LUZP2: variants seen among roughly 807,000 people sequenced by gnomAD.
The protein encoded by LUZP2 is leucine zipper protein 2.
Under a neutral mutation model 51.6 loss-of-function variants are expected in LUZP2, and 52 were observed. The ratio of observed to expected loss-of-function variants is 1.01; its 90% confidence interval spans 0.81 to 1.27. The LOEUF (loss-of-function observed/expected upper bound fraction) is 1.27. Ranked by LOEUF, LUZP2 falls within the 50% of genes most tolerant of loss-of-function variation. The pLI is 0.00. For synonymous variants in LUZP2, 154 were observed against 137.3 expected, an observed-to-expected ratio of 1.12 and a Z score of -0.85; for missense variants, 436 against 395.4, an observed-to-expected ratio of 1.10 and a Z score of -0.87.
intron 7 of LUZP2, among the ~76,000 whole-genome samples, chr11:24,917,657 T>C (rs1412935741): frequency 6.6e-6 from 1 of 152,076 alleles, no homozygotes; most frequent in African/African-American, 2.4e-5. Context: ...ATGTGTGGTA[T>C]TATTTCTGAG....
intron 1 of LUZP2, among the ~76,000 whole-genome samples, chr11:24,503,497 A>C (rs897783316): frequency 3.9e-5 from 6 of 152,230 alleles, no homozygotes; most frequent in African/African-American, 1.4e-4. Flanking sequence ...CGTAAACCCT[A>C]GGAGACATAA....
chr11:24,973,153 T>C (rs1855794577), intron 7 of LUZP2, among the ~76,000 whole-genome samples: 1 of 151,110 alleles, frequency 6.6e-6, no homozygotes, highest in South Asian at 2.1e-4. Context: ...TTCAGTTTCT[T>C]CCTGGTTCAG....
chr11:24,856,106 G>A (rs1851556717), intron 5 of LUZP2, among the ~76,000 whole-genome samples: 1 of 151,834 alleles, frequency 6.6e-6, no homozygotes, highest in African/African-American at 2.4e-5. Flanking sequence ...TAGACAAATG[G>A]AAGTTAATTT....
At chr11:24,617,997 A>G (rs983115190) in intron 1 of LUZP2, among the ~76,000 whole-genome samples, 2 of 152,130 alleles carry the variant, frequency 1.3e-5, no homozygotes, top group Non-Finnish European at 2.9e-5. Flanking sequence ...ATGCCTTATT[A>G]CTACTGCCAG....
At chr11:24,956,323 GA>G (rs1469274074) in intron 7 of LUZP2, among the ~76,000 whole-genome samples, 1 of 152,030 alleles carries the variant, frequency 6.6e-6, no homozygotes, top group Non-Finnish European at 1.5e-5. Flanking sequence ...GGAACCTGCA[GA>G]AGGAACCAGG....
intron 6 of LUZP2, among the ~76,000 whole-genome samples, chr11:24,909,953 T>C (rs188772703): frequency 5.9e-5 from 9 of 152,138 alleles, no homozygotes; most frequent in Non-Finnish European, 1.2e-4. Flanking sequence ...TGGAACTTCC[T>C]AGAGACTTCA....
intron 6 of LUZP2, among the ~76,000 whole-genome samples, chr11:24,913,669 TTGTGTGTGTGTG>T (rs35901522): frequency 1.3e-5 from 2 of 148,462 alleles, no homozygotes; most frequent in African/African-American, 2.5e-5. Flanking sequence ...ATCTATTTAT[TTGTGTGTGTGTG>T]TGTGTGTGTG....
chr11:25,031,067 CA>C, intron 9 of LUZP2, among the ~76,000 whole-genome samples: 1 of 128,912 alleles, frequency 7.8e-6, no homozygotes, highest in Non-Finnish European at 1.6e-5. Context: ...GGCTGGAGTG[CA>C]GTGGTGTGAT....
At chr11:24,604,464 C>T (rs914021697) in intron 1 of LUZP2, among the ~76,000 whole-genome samples, 3 of 151,686 alleles carry the variant, frequency 2.0e-5, no homozygotes, top group East Asian at 1.9e-4. Context: ...ATTAAAACAC[C>T]GTTTAGCTTT....
At chr11:24,620,424 A>G (rs1171750745) in intron 1 of LUZP2, among the ~76,000 whole-genome samples, 5 of 152,156 alleles carry the variant, frequency 3.3e-5, no homozygotes, top group African/African-American at 1.2e-4. Flanking sequence ...ATATTTAAAG[A>G]AGAGGCAATT....
At chr11:24,569,746 A>G (rs2133796754) in intron 1 of LUZP2, among the ~76,000 whole-genome samples, 1 of 152,186 alleles carries the variant, frequency 6.6e-6, no homozygotes, top group South Asian at 2.1e-4. Context: ...TAGCTTATAA[A>G]CAAACAATAG....
chr11:24,741,847 A>G (rs1397855805), intron 4 of LUZP2, among the ~76,000 whole-genome samples: 1 of 140,422 alleles, frequency 7.1e-6, no homozygotes, highest in Non-Finnish European at 1.5e-5. Flanking sequence ...ATATTTATAA[A>G]TATAAATATA....
intron 9 of LUZP2, among the ~76,000 whole-genome samples, chr11:25,025,527 C>A (rs1469726334): frequency 6.6e-6 from 1 of 152,142 alleles, no homozygotes; most frequent in Non-Finnish European, 1.5e-5. Flanking sequence ...TTTATTCACC[C>A]AACAGACACA....
chr11:24,967,411 A>G (rs1855616212), intron 7 of LUZP2, among the ~76,000 whole-genome samples: 1 of 152,126 alleles, frequency 6.6e-6, no homozygotes, highest in South Asian at 2.1e-4. Context: ...AATTTTCAAC[A>G]CAAATGTTTT....
At chr11:24,702,593 A>G (rs962533108) in intron 1 of LUZP2, among the ~76,000 whole-genome samples, 6 of 152,096 alleles carry the variant, frequency 3.9e-5, no homozygotes, top group Non-Finnish European at 8.8e-5. Context: ...AGACTCTTTG[A>G]AACAACCAAA....
chr11:24,655,076 C>T (rs1405788097), intron 1 of LUZP2, among the ~76,000 whole-genome samples: 1 of 152,054 alleles, frequency 6.6e-6, no homozygotes. Context: ...GTTTATGATT[C>T]ATCTGGACAT....
intron 7 of LUZP2, among the ~76,000 whole-genome samples, chr11:24,955,721 C>T (rs1855193789): frequency 6.6e-6 from 1 of 151,924 alleles, no homozygotes; most frequent in African/African-American, 2.4e-5. Context: ...TATAAGGCAA[C>T]ATTATTATCG....
At chr11:24,871,857 A>G (rs941784353) in intron 5 of LUZP2, among the ~76,000 whole-genome samples, 2 of 152,260 alleles carry the variant, frequency 1.3e-5, no homozygotes, top group African/African-American at 4.8e-5. Context: ...ACAACATGCT[A>G]TGCAGTTACG....
At chr11:24,707,276 A>ATCTC (rs148639231) in intron 1 of LUZP2, among the ~76,000 whole-genome samples, 10,217 of 147,384 alleles carry the variant, frequency 0.069, 1,147 homozygotes, top group African/African-American at 0.24. Flanking sequence ...CACTCTTTCT[A>ATCTC]TCTCTCTCTC....
Sources: allele counts gnomAD v4.1 joint callset (sites outside exome capture counted in the v4.1 genomes callset), GRCh38; gene constraint gnomAD v4.1.1; transcripts MANE v1.5; gene names NCBI Gene and HGNC (gene_info 2026-07-23, HGNC 2026-07-21).